Variants in MAK observed in about 807,000 individuals in gnomAD.
The protein encoded by MAK is serine/threonine-protein kinase MAK.
MAK carries 65 observed loss-of-function variants against 82.6 expected under a neutral mutation model. That is an observed-to-expected ratio of 0.79 (90% CI 0.64 to 0.97). MAK has a LOEUF of 0.97. MAK is among the 50% of genes least tolerant of loss of function. MAK has a pLI of 0.00. For synonymous variants in MAK, 250 were observed against 274.2 expected (o/e 0.91, Z 0.87); for missense variants, 703 against 780.2 (o/e 0.90, Z 1.18).
rs147088346 is a variant in MAK, at chr6:10,787,639, A to G, written c.1317-3067T>C. ...TTTGGGAGGCTGAGGCAGGTGGATC[A>G]CGAGGTCGGGAGATCGAGACCATCC... On this transcript the variant is annotated intron_variant, in intron 10 of 14. Transcript: ENST00000354489. 2.9e-3 allele frequency among the ~76,000 whole-genome samples: 435 copies of G among 152,246 alleles called. 2 individuals are homozygous for G. The highest frequency in any genetic ancestry group is 9.8e-3 in the African/African-American group (408 of 41,554).
intron 5 of MAK, among the ~76,000 whole-genome samples, chr6:10,809,348 T>C (rs1200203686): frequency 3.9e-5 from 6 of 152,124 alleles, no homozygotes; most frequent in Non-Finnish European, 8.8e-5. Context: ...GTCACCTAAT[T>C]AACGTGTGAG....
chr6:10,836,488 G>A (rs909792810), intron 1 of MAK, among the ~76,000 whole-genome samples: 8 of 152,122 alleles, frequency 5.3e-5, no homozygotes. Flanking sequence ...CCATGTCCCT[G>A]CTCCCTGATA....
At chr6:10,783,354 G>A (rs1461337598) in intron 11 of MAK, among the ~76,000 whole-genome samples, 2 of 152,094 alleles carry the variant, frequency 1.3e-5, no homozygotes, top group Admixed American at 6.6e-5. Flanking sequence ...ATACCCAGGC[G>A]CCCATTAGAT....
chr6:10,774,551 C>G (rs1322556806), intron 12 of MAK, among the ~76,000 whole-genome samples: 1 of 152,078 alleles, frequency 6.6e-6, no homozygotes, highest in East Asian at 1.9e-4. Flanking sequence ...CTTTGCCACT[C>G]TATTCTTCAA....
rs1778545962 is a variant in MAK, at chr6:10,828,526, G to C, written c.101+2022C>G. Among the ~76,000 whole-genome samples the C allele has an allele frequency of 2.6e-5, 4 of 152,228 alleles. No individual in the cohort carries two copies. In the South Asian group the frequency reaches 8.3e-4, roughly 32 times the overall value. On this transcript the variant is annotated intron_variant, in intron 2 of 14. Transcript: ENST00000354489. ...TATCTGAAGATAGGGTCTTTAAAAA[G>C]GTAATTAAGTTTAAGTGAGGTCTTT...
chr6:10,788,969 G>C (rs893829903), intron 10 of MAK, among the ~76,000 whole-genome samples: 1 of 151,914 alleles, frequency 6.6e-6, no homozygotes, highest in Non-Finnish European at 1.5e-5. Flanking sequence ...ACTGCAATTG[G>C]AGTATTTCAT....
intron 2 of MAK, among the ~76,000 whole-genome samples, chr6:10,822,685 T>G (rs954726823): frequency 3.3e-5 from 5 of 152,224 alleles, no homozygotes; most frequent in African/African-American, 9.6e-5. Context: ...TGCCATCTTT[T>G]GTCATTTATT....
intron 5 of MAK, among the ~76,000 whole-genome samples, chr6:10,809,927 G>A (rs1776784000): frequency 6.6e-6 from 1 of 151,722 alleles, no homozygotes; most frequent in African/African-American, 2.4e-5. Context: ...ATGAAACCCC[G>A]TCTATACTAA....
intron 5 of MAK, among the ~76,000 whole-genome samples, chr6:10,812,393 A>C (rs1777012312): frequency 6.6e-6 from 1 of 152,172 alleles, no homozygotes; most frequent in Non-Finnish European, 1.5e-5. Context: ...TGGACTAATA[A>C]TTATTTTGAT....
rs1482158177 is a variant in MAK, at chr6:10,796,018, T to C, written c.1123A>G (p.Ile375Val). 3.7e-6 allele frequency: 6 copies of C among 1,613,798 alleles called. No homozygotes were observed. The highest frequency in any genetic ancestry group is 1.3e-5 in the African/African-American group (1 of 74,946). Residue 375 changes from isoleucine (I) to valine (V), a missense_variant, in exon 9 of 15, where the codon ATC becomes GTC. Coordinates refer to ENST00000354489, the MANE Select transcript of MAK (RefSeq NM_001242957.3). ...CTCACAGTTGGCATGTTTTTGACGATGCTCGGGAATAGCGTTTGTGGCGGT... is the reference window on the plus strand; with the variant it reads ...CTCACAGTTGGCATGTTTTTGACGACGCTCGGGAATAGCGTTTGTGGCGGT... ...EKPPQTLFPS[I>V]VKNMPTKPNG...
intron 5 of MAK, among the ~76,000 whole-genome samples, chr6:10,813,039 G>A (rs1488434019): frequency 3.9e-5 from 5 of 127,908 alleles, no homozygotes; most frequent in Admixed American, 2.6e-4. Flanking sequence ...AAAGTGCTGG[G>A]ATTACAGGTG....
chr6:10,798,069 G>C, intron 8 of MAK: 1 of 533,766 alleles, frequency 1.9e-6, no homozygotes, highest in Non-Finnish European at 2.4e-6. Flanking sequence ...GAAACTTTGA[G>C]GATGTGTTTT....
chr6:10,819,493 G>A (rs1471625263), intron 2 of MAK, among the ~76,000 whole-genome samples: 4 of 152,104 alleles, frequency 2.6e-5, no homozygotes, highest in Non-Finnish European at 4.4e-5. Context: ...TTAGCTGGGC[G>A]TGGTGGCAGG....
chr6:10,790,644 G>A (rs766926750), intron 10 of MAK, among the ~76,000 whole-genome samples: 1 of 152,194 alleles, frequency 6.6e-6, no homozygotes, highest in African/African-American at 2.4e-5. Context: ...AACTTGGCAC[G>A]TGGTGCTCTA....
intron 5 of MAK, among the ~76,000 whole-genome samples, chr6:10,812,814 A>G (rs1324720085): frequency 6.6e-6 from 1 of 151,630 alleles, no homozygotes; most frequent in Non-Finnish European, 1.5e-5. Flanking sequence ...CCTAGGCTGG[A>G]GTGCAATGCC....
chr6:10,765,882 A>G (rs995745532), intron 14 of MAK, among the ~76,000 whole-genome samples: 3 of 152,194 alleles, frequency 2.0e-5, no homozygotes, highest in African/African-American at 7.2e-5. Flanking sequence ...TTTCATTCAT[A>G]TATCTGACTG....
At chr6:10,775,243 G>C (rs1366732388) in intron 12 of MAK, 85 bp downstream of exon 12, 24 of 1,484,534 alleles carry the variant, frequency 1.6e-5, no homozygotes, top group Non-Finnish European at 2.2e-5. Context: ...CATGTATCTT[G>C]GTTGGAAGAG....
At chr6:10,833,067 G>A (rs1272175518) in intron 1 of MAK, among the ~76,000 whole-genome samples, 1 of 152,062 alleles carries the variant, frequency 6.6e-6, no homozygotes, top group Non-Finnish European at 1.5e-5. Flanking sequence ...TCTCTCACTG[G>A]AGCACTTTCA....
intron 12 of MAK, among the ~76,000 whole-genome samples, chr6:10,773,637 G>A (rs1773204998): frequency 6.7e-6 from 1 of 150,172 alleles, no homozygotes; most frequent in Non-Finnish European, 1.5e-5. Context: ...TGCAAAGGAT[G>A]TTATTTCTGA....
Sources: allele counts gnomAD v4.1 joint callset (sites outside exome capture counted in the v4.1 genomes callset), GRCh38; gene constraint gnomAD v4.1.1; transcripts MANE v1.5; gene names NCBI Gene and HGNC (gene_info 2026-07-23, HGNC 2026-07-21).